Variants in ZNF717 observed in about 807,000 individuals in gnomAD.
ZNF717 encodes krueppel-like factor X17.
In ZNF717, 9 loss-of-function variants were observed where a neutral mutation model predicts 13.8. The observed-to-expected ratio is 0.65, with a 90% confidence interval of 0.39 to 1.14. ZNF717 has a LOEUF of 1.14. Ranked by LOEUF, ZNF717 falls within the 50% of genes most tolerant of loss-of-function variation. The pLI is 0.01. For synonymous variants in ZNF717, 327 were observed against 364.1 expected (o/e 0.90, Z 1.16); for missense variants, 1,040 against 1,080.7 (o/e 0.96, Z 0.53).
Position 75,738,056 on chromosome 3 carries a change from T to G in ZNF717, c.1567A>C (p.Thr523Pro). The G allele has an allele frequency of 3.7e-6, 5 of 1,343,152 alleles. No individual in the cohort carries two copies. Among genetic ancestry groups the G allele is most frequent in the Non-Finnish European group, 5.0e-6 (5 of 1,006,458 alleles). 83.2% of individuals were successfully genotyped at this position (1,343,152 alleles called of 1,614,324 possible). ...GKTFRCKSFL[T>P]VHQRTHAGEK... ...CCAGCATGAGTTCTCTGATGGACAG[T>G]GAGGAATGACTTACAGCGAAAGGTT... The change falls in exon 5 of 5, where the codon ACT becomes CCT. Residue 523 changes from threonine to proline, a missense_variant. Around this residue, in one of 3 missense-constraint regions of ZNF717, gnomAD observed 873 missense variants for 832.8 expected, o/e 1.05. Transcript: ENST00000652011.
At chr3:75,760,915 A>G (rs534892223) in intron 2 of ZNF717, among the ~76,000 whole-genome samples, 1 of 152,212 alleles carries the variant, frequency 6.6e-6, no homozygotes, top group African/African-American at 2.4e-5. Context: ...TTAAGAAAAA[A>G]AGAGAAATCT....
intron 2 of ZNF717, among the ~76,000 whole-genome samples, chr3:75,754,210 G>A (rs1195415740): frequency 1.3e-5 from 2 of 152,204 alleles, no homozygotes; most frequent in East Asian, 3.9e-4. Context: ...TTTTGTTATA[G>A]CCACCTAAAG....
intron 4 of ZNF717, among the ~76,000 whole-genome samples, chr3:75,719,970 A>AATAATAATAAT (rs748007104): frequency 2.1e-5 from 3 of 146,136 alleles, no homozygotes; most frequent in Non-Finnish European, 4.5e-5. Context: ...AAATAATAAT[A>AATAATAATAAT]AATAATAATA....
downstream of ZNF717, among the ~76,000 whole-genome samples, chr3:75,732,985 C>G (rs2918503): frequency 0.37 from 54,288 of 148,328 alleles, 6,590 homozygotes; most frequent in South Asian, 0.53. Flanking sequence ...ACAAAGGAGA[C>G]AGCATTCAAG....
rs1215642210 is a variant in ZNF717, at chr3:75,783,378, C to T, written c.-2-14G>A. ...CTGGAAACATAGCTGAGAGAGAAGG[C>T]AAATGACGTGAATTAAGGAGAGAAC... On this transcript the variant is annotated splice_polypyrimidine_tract_variant and intron_variant, in intron 1 of 4. Coordinates refer to ENST00000652011, the MANE Select transcript of ZNF717 (RefSeq NM_001290208.3). 1 of 1,549,186 alleles carries T rather than the reference C, an allele frequency of 6.5e-7. No individual in the cohort carries two copies.
rs1241890058 is a variant in ZNF717 at position 75,737,625 on chromosome 3, C to T, written c.1998G>A (p.Gln666=). The T allele has an allele frequency of 6.5e-7, 1 of 1,544,194 alleles. No individual in the cohort carries two copies. Among genetic ancestry groups the T allele is most frequent in the South Asian group, 1.2e-5 (1 of 83,660 alleles). Residue 666 remains glutamine, a synonymous_variant, in exon 5 of 5, where the codon CAG becomes CAA. Coordinates refer to ENST00000652011, the MANE Select transcript of ZNF717 (RefSeq NM_001290208.3). ...TACGGTTTTTCCCCGTGTGAGTTCT[C>T]TGGTGTATGGTGAGGAATGACTTGC... ...FHRKSFLTIH[Q]RTHTGKNRMD...
downstream of ZNF717, among the ~76,000 whole-genome samples, chr3:75,732,592 T>A (rs1938666226): frequency 6.6e-6 from 1 of 152,230 alleles, no homozygotes; most frequent in South Asian, 2.1e-4. Context: ...AGAGGACATA[T>A]AGCTGGCACC....
exon 6 of ZNF717, chr3:75,730,221 C>G (rs1938444720): frequency 1.2e-5 from 2 of 164,064 alleles, no homozygotes; most frequent in Non-Finnish European, 2.6e-5. Context: ...ACCATATTGG[C>G]ATTTTAACAG....
chr3:75,719,276 C>T (rs1165958651), intron 4 of ZNF717, among the ~76,000 whole-genome samples: 31 of 137,224 alleles, frequency 2.3e-4, no homozygotes, highest in African/African-American at 7.3e-4. Flanking sequence ...TAGAGTGTCA[C>T]CCTGTCTCAA....
intron 2 of ZNF717, among the ~76,000 whole-genome samples, chr3:75,780,211 C>T (rs879888826): frequency 2.0e-4 from 29 of 147,310 alleles, no homozygotes; most frequent in Admixed American, 1.2e-3. Context: ...GTGCTAAAAC[C>T]GGAACCCAAA....
At chr3:75,745,574 CTTCT>C (rs1941068939) in intron 2 of ZNF717, among the ~76,000 whole-genome samples, 3 of 151,850 alleles carry the variant, frequency 2.0e-5, no homozygotes, top group South Asian at 2.1e-4. Flanking sequence ...AAATTTATTC[CTTCT>C]ATCTAACCCT....
At chr3:75,765,015 A>ATGTG (rs1943341482) in intron 2 of ZNF717, among the ~76,000 whole-genome samples, 1 of 28,562 alleles carries the variant, frequency 3.5e-5, no homozygotes, top group African/African-American at 1.1e-4. Context: ...ATATATATAT[A>ATGTG]TATATATATA....
intron 2 of ZNF717, among the ~76,000 whole-genome samples, chr3:75,761,120 T>G (rs1411017349): frequency 6.6e-6 from 1 of 152,134 alleles, no homozygotes; most frequent in Non-Finnish European, 1.5e-5. Context: ...GACCTGTAAC[T>G]AGTAAGAAGA....
At chr3:75,784,640 C>G (rs1325897433) in intron 1 of ZNF717, 11 of 152,218 alleles carry the variant, frequency 7.2e-5, no homozygotes, top group Admixed American at 7.2e-4. Flanking sequence ...TTTCCTAGGT[C>G]CTTGCCTGTT....
At chr3:75,768,114 G>A (rs1196487113) in intron 2 of ZNF717, among the ~76,000 whole-genome samples, 1 of 152,212 alleles carries the variant, frequency 6.6e-6, no homozygotes, top group Non-Finnish European at 1.5e-5. Context: ...ACCTGCAACA[G>A]GTGCCCCATG....
At chr3:75,701,643 T>C (rs138954413) in intron 6 of ZNF717, among the ~76,000 whole-genome samples, 1 of 152,312 alleles carries the variant, frequency 6.6e-6, no homozygotes, top group East Asian at 1.9e-4. Context: ...TGAGCAGAGA[T>C]TGCGCCACTG....
In ZNF717 at chr3:75,738,822, C is replaced by T; in HGVS notation, c.801G>A (p.Lys267=). The part of the protein sequence containing the change: ...TQVGQPTCCR[K]SDFTKHQQTH... ...TCTGCTGATGTTTAGTGAAGTCAGA[C>T]TTTCTACAGCAAGTTGGCTGTCCTA... The change falls in exon 5 of 5, where the codon AAG becomes AAA. Residue 267 remains lysine, a synonymous_variant. Coordinates refer to ENST00000652011, the MANE Select transcript of ZNF717 (RefSeq NM_001290208.3). 1.3e-6 allele frequency: 2 copies of T among 1,552,072 alleles called. No individual in the cohort carries two copies. The highest frequency in any genetic ancestry group is 1.7e-6 in the Non-Finnish European group (2 of 1,147,334).
chr3:75,742,747 C>T (rs73843036), intron 2 of ZNF717, among the ~76,000 whole-genome samples: 2 of 139,364 alleles, frequency 1.4e-5, no homozygotes, highest in African/African-American at 5.2e-5. Flanking sequence ...TTCAAAAATT[C>T]TTATGCACCT....
At chr3:75,709,431 C>T (rs1559568596), downstream of ZNF717, among the ~76,000 whole-genome samples, 1 of 152,292 alleles carries the variant, frequency 6.6e-6, no homozygotes, top group South Asian at 2.1e-4. Flanking sequence ...CCACCTCCAA[C>T]ACTGGGGATT....
Sources: gnomAD v4.1 joint callset for allele counts (sites outside exome capture counted in the v4.1 genomes callset) on GRCh38, gnomAD v4.1.1 for gene constraint, gnomAD v4.1.1 regional missense constraint, MANE v1.5 for transcripts, NCBI Gene and HGNC (gene_info 2026-07-23, HGNC 2026-07-21) for gene names.